Variants in IRS1 observed in about 807,000 individuals in gnomAD.
IRS1 encodes insulin receptor substrate 1.
IRS1 carries 34 observed loss-of-function variants against 65.6 expected under a neutral mutation model. The observed-to-expected ratio is 0.52, with a 90% confidence interval of 0.39 to 0.69. IRS1 has a LOEUF of 0.69. IRS1 is among the 30% of genes least tolerant of loss of function. The pLI is 0.00. For synonymous variants in IRS1, 699 were observed against 683.5 expected (o/e 1.02, Z -0.35); for missense variants, 1,641 against 1,720.2 (o/e 0.95, Z 0.81).
intron 1 of IRS1, among the ~76,000 whole-genome samples, chr2:226,738,047 T>C (rs1240553999): frequency 1.3e-5 from 2 of 152,150 alleles, no homozygotes; most frequent in African/African-American, 4.8e-5. Context: ...TCTACAAATG[T>C]AGCTTGAGGT....
Position 226,733,155 on chromosome 2 carries a change from G to T in IRS1, c.*3117C>A, listed in dbSNP as rs1156641743. 2 of 152,122 alleles carry T rather than the reference G, an allele frequency of 1.3e-5. No individual in the cohort carries two copies. The highest frequency in any genetic ancestry group is 4.8e-5 in the African/African-American group (2 of 41,424). The allele number at this position is 152,122 out of a possible 1,614,324, so 9.4% of individuals were successfully genotyped here. ...AAGATGCAAGATTGAATAAAACAGG[G>T]CTTCAGTATTGTAAAATACTGTTTC... On this transcript the variant is annotated 3_prime_UTR_variant, in exon 2 of 2. Transcript: ENST00000305123.
rs146477431 is a variant in IRS1 at position 226,744,895 on chromosome 2, G to A, written c.*22-8645C>T. ...TTGAGGAGAATATCAGGGGGAAAACGTTGAGAAGAATTTGATCTGGGATTC... is the reference window on the plus strand; with the variant it reads ...TTGAGGAGAATATCAGGGGGAAAACATTGAGAAGAATTTGATCTGGGATTC... On this transcript the variant is annotated intron_variant, in intron 1 of 1. Transcript: ENST00000305123. Among the ~76,000 whole-genome samples, 4 of 152,038 alleles carry A rather than the reference G, an allele frequency of 2.6e-5. No individual in the cohort carries two copies. In the East Asian group the frequency reaches 7.7e-4, roughly 29 times the overall value.
At chr2:226,768,711 G>C (rs577451778) in intron 1 of IRS1, among the ~76,000 whole-genome samples, 1 of 151,920 alleles carries the variant, frequency 6.6e-6, no homozygotes, top group East Asian at 1.9e-4. Context: ...ATCTCGGCTC[G>C]CTGCAACCCC....
intron 1 of IRS1, among the ~76,000 whole-genome samples, chr2:226,778,812 T>G (rs1939326157): frequency 1.3e-5 from 2 of 152,230 alleles, no homozygotes; most frequent in Admixed American, 1.3e-4. Context: ...ATATGTCACC[T>G]GTTCCAGATC....
intron 1 of IRS1, among the ~76,000 whole-genome samples, chr2:226,765,568 C>T (rs1939016416): frequency 6.6e-6 from 1 of 152,158 alleles, no homozygotes; most frequent in African/African-American, 2.4e-5. Context: ...CCCATGAGCA[C>T]TAATGGACTT....
chr2:226,777,160 T>C (rs1406230427), intron 1 of IRS1, among the ~76,000 whole-genome samples: 1 of 152,190 alleles, frequency 6.6e-6, no homozygotes, highest in Non-Finnish European at 1.5e-5. Flanking sequence ...TGGACTTTAG[T>C]TAACAATAAT....
chr2:226,799,381 T>A lies in IRS1; in HGVS notation c.-643A>T. ...CTGTTGCTGTTGCTGCTGCTGCTGC[T>A]GCTGCTGCTGCCGCCGCCCGCGGGC... On this transcript the variant is annotated 5_prime_UTR_variant, in exon 1 of 2. Transcript: ENST00000305123. The surrounding 1 kb of genome is among the most constrained non-coding windows in gnomAD (Gnocchi z 6.1). 1 of 1,268,602 alleles carries A rather than the reference T, an allele frequency of 7.9e-7. No individual in the cohort carries two copies. 78.6% of individuals were successfully genotyped at this position (1,268,602 alleles called of 1,614,324 possible).
Position 226,797,826 on chromosome 2 carries a change from T to C in IRS1, c.913A>G (p.Thr305Ala). 6.2e-7 allele frequency: 1 copy of C among 1,606,484 alleles called. No individual in the cohort carries two copies. The part of the protein sequence containing the change: ...SQVGLTRRSR[T>A]ESITATSPAS... ...GGGGAGGTGGCGGTGATGCTCTCAGTGCGTGATCGGCGGGTCAGCCCCACC... is the reference window on the plus strand; with the variant it reads ...GGGGAGGTGGCGGTGATGCTCTCAGCGCGTGATCGGCGGGTCAGCCCCACC... Residue 305 changes from threonine to alanine, a missense_variant, in exon 1 of 2, where the codon ACT becomes GCT. Thr to Ala is a moderately conservative substitution (Grantham distance 58). Coordinates refer to ENST00000305123, the MANE Select transcript of IRS1 (RefSeq NM_005544.3). The surrounding 1 kb of genome is among the most constrained non-coding windows in gnomAD (Gnocchi z 8.1).
chr2:226,734,348 T>G lies in IRS1; in HGVS notation c.*1924A>C, dbSNP rs527797318. ...AGACCCTATTTATCTTAGAAATTGA[T>G]GAGCATGCAAATGATTAAAATCTGC... On this transcript the variant is annotated 3_prime_UTR_variant, in exon 2 of 2. Transcript: ENST00000305123. 6.6e-6 allele frequency: 1 copy of G among 152,352 alleles called. No homozygotes were observed. Among genetic ancestry groups the G allele is most frequent in the African/African-American group, 2.4e-5 (1 of 41,578 alleles). 9.4% of individuals were successfully genotyped at this position (152,352 alleles called of 1,614,324 possible).
At chr2:226,793,798 A>G (rs1268440291) in intron 1 of IRS1, among the ~76,000 whole-genome samples, 1 of 152,260 alleles carries the variant, frequency 6.6e-6, no homozygotes, top group Non-Finnish European at 1.5e-5. Context: ...TTGCCAACTC[A>G]TCACATTATT....
Position 226,798,877 on chromosome 2 carries a change from C to T in IRS1, c.-139G>A. The T allele has an allele frequency of 2.0e-6, 3 of 1,520,960 alleles. No homozygotes were observed. The highest frequency in any genetic ancestry group is 2.7e-6 in the Non-Finnish European group (3 of 1,131,158). The allele number at this position is 1,520,960 out of a possible 1,614,324, so 94.2% of individuals were successfully genotyped here. A position where few individuals can be genotyped will look rare whatever the true frequency, so the allele number is the denominator to read the frequency against. On this transcript the variant is annotated 5_prime_UTR_variant, in exon 1 of 2. Coordinates refer to ENST00000305123, the MANE Select transcript of IRS1 (RefSeq NM_005544.3). This position sits in a 1 kb window ranked among gnomAD's most constrained non-coding sequence, Gnocchi z 9.4. ...GAAACCCCGACTCTGAAATCCACGC[C>T]GCCCCCCGCGCCGGGGAGGGGCAGC...
Position 226,796,850 on chromosome 2 carries a change from C to T in IRS1, c.1889G>A (p.Gly630Glu), listed in dbSNP as rs1438480797. 6.5e-7 allele frequency: 1 copy of T among 1,544,370 alleles called. No individual in the cohort carries two copies. Among genetic ancestry groups the T allele is most frequent in the South Asian group, 1.3e-5 (1 of 79,214 alleles). ...APVPSGRKGS[G>E]DYMPMSPKSV... ...CTTGGGGCTCATGGGCATATAGTCT[C>T]CACTGCCCTTTCGGCCACTGGGCAC... Residue 630 changes from glycine to glutamate, a missense_variant, in exon 1 of 2, where the codon GGA becomes GAA. Coordinates refer to ENST00000305123, the MANE Select transcript of IRS1 (RefSeq NM_005544.3).
rs1186553384 is a variant in IRS1 at position 226,732,526 on chromosome 2, GTATA to G, written c.*3742_*3745del. The G allele has an allele frequency of 6.9e-6, 1 of 144,638 alleles. No individual in the cohort carries two copies. Among genetic ancestry groups the G allele is most frequent in the Non-Finnish European group, 1.5e-5 (1 of 66,458 alleles). The allele number at this position is 144,638 out of a possible 1,614,324, so 9.0% of individuals were successfully genotyped here. ...CACATATGTGTATCTATATATGTGT[GTATA>G]TATATCTATATATGTGTATATATAT... On this transcript the variant is annotated 3_prime_UTR_variant, in exon 2 of 2. Transcript: ENST00000305123.
intron 1 of IRS1, among the ~76,000 whole-genome samples, chr2:226,777,677 T>A (rs746724467): frequency 6.6e-6 from 1 of 152,176 alleles, no homozygotes; most frequent in Non-Finnish European, 1.5e-5. Context: ...ATGAGTCTCA[T>A]GTGATCTGAT....
chr2:226,780,406 A>G (rs1939358523), intron 1 of IRS1, among the ~76,000 whole-genome samples: 1 of 152,094 alleles, frequency 6.6e-6, no homozygotes, highest in East Asian at 1.9e-4. Flanking sequence ...AAACAAATTA[A>G]TTAAATTAAA....
At chr2:226,781,187 C>A (rs112994235) in intron 1 of IRS1, among the ~76,000 whole-genome samples, 2 of 152,112 alleles carry the variant, frequency 1.3e-5, no homozygotes, top group African/African-American at 4.8e-5. Context: ...TGGGCATTTT[C>A]TTTGGTCAAT....
intron 1 of IRS1, among the ~76,000 whole-genome samples, chr2:226,775,667 A>G (rs947238652): frequency 3.9e-5 from 6 of 152,216 alleles, no homozygotes; most frequent in African/African-American, 1.4e-4. Flanking sequence ...CTTAGTTTCC[A>G]ATATAATTGT....
Position 226,798,885 on chromosome 2 carries a change from G to A in IRS1, c.-147C>T, listed in dbSNP as rs1939825538. 2.0e-6 allele frequency: 3 copies of A among 1,517,156 alleles called. No individual in the cohort carries two copies. The highest frequency in any genetic ancestry group is 2.7e-6 in the Non-Finnish European group (3 of 1,129,404). The allele number at this position is 1,517,156 out of a possible 1,614,324, so 94.0% of individuals were successfully genotyped here. A position where few individuals can be genotyped will look rare whatever the true frequency, so the allele number is the denominator to read the frequency against. On this transcript the variant is annotated 5_prime_UTR_variant, in exon 1 of 2. Coordinates refer to ENST00000305123, the MANE Select transcript of IRS1 (RefSeq NM_005544.3). The surrounding 1 kb of genome is among the most constrained non-coding windows in gnomAD (Gnocchi z 9.4). ...GACTCTGAAATCCACGCCGCCCCCCGCGCCGGGGAGGGGCAGCTGAAGGAG... is the reference window on the plus strand; with the variant it reads ...GACTCTGAAATCCACGCCGCCCCCCACGCCGGGGAGGGGCAGCTGAAGGAG...
Position 226,798,559 on chromosome 2 carries a change from G to A in IRS1, c.180C>T (p.Pro60=). 6.2e-7 allele frequency: 1 copy of A among 1,613,948 alleles called. No individual in the cohort carries two copies. The highest frequency in any genetic ancestry group is 8.5e-7 in the Non-Finnish European group (1 of 1,180,018). Residue 60 remains proline (P), a synonymous_variant, in exon 1 of 2, where the codon CCC becomes CCT. Transcript: ENST00000305123. This position sits in a 1 kb window ranked among gnomAD's most constrained non-coding sequence, Gnocchi z 9.4. ...AGCTCTCAAGGGGGATCGAGCGTTT[G>A]GGGGCGCTCGACTTGTGCCGCCACT... The part of the protein sequence containing the change: ...EKKWRHKSSA[P]KRSIPLESCF...
Sources: allele counts gnomAD v4.1 joint callset (sites outside exome capture counted in the v4.1 genomes callset), GRCh38; gene constraint gnomAD v4.1.1; non-coding constraint Gnocchi (gnomAD v3.1); transcripts MANE v1.5; gene names NCBI Gene and HGNC (gene_info 2026-07-23, HGNC 2026-07-21).